MMD2: variants seen among roughly 807,000 people sequenced by gnomAD.
MMD2 encodes monocyte to macrophage differentiation associated 2, also known as monocyte to macrophage differentiation factor 2.
MMD2 carries 30 observed loss-of-function variants against 33.5 expected under a neutral mutation model. The observed-to-expected ratio is 0.90, with a 90% CI of 0.67 to 1.22. The LOEUF (loss-of-function observed/expected upper bound fraction) is 1.22. MMD2 is among the 50% of genes most tolerant of loss of function. The pLI is 0.00. For synonymous variants in MMD2, 129 were observed against 123.0 expected (o/e 1.05, Z -0.32); for missense variants, 364 against 325.4 (o/e 1.12, Z -0.91).
chr7:4,936,449 T>C (rs1785743974), intron 1 of MMD2, among the ~76,000 whole-genome samples: 2 of 152,034 alleles, frequency 1.3e-5, no homozygotes, highest in Non-Finnish European at 2.9e-5. Flanking sequence ...ATTTTTAGGA[T>C]TGGGTGGGAG....
At chr7:4,938,252 G>A (rs897766788) in intron 1 of MMD2, among the ~76,000 whole-genome samples, 9 of 151,452 alleles carry the variant, frequency 5.9e-5, no homozygotes, top group South Asian at 2.1e-4. Flanking sequence ...CTCGTGATCC[G>A]CCCACCTCAG....
intron 1 of MMD2, among the ~76,000 whole-genome samples, chr7:4,932,987 T>C (rs1785632931): frequency 6.6e-6 from 1 of 152,092 alleles, no homozygotes; most frequent in South Asian, 2.1e-4. Flanking sequence ...CAGCCTTTTT[T>C]TTTTTTTATG....
At chr7:4,919,311 G>A (rs763123102) in intron 3 of MMD2, among the ~76,000 whole-genome samples, 47 of 152,174 alleles carry the variant, frequency 3.1e-4, no homozygotes, top group African/African-American at 7.2e-4. Flanking sequence ...GCTCATTTCC[G>A]AAACTCCAGC....
downstream of MMD2, among the ~76,000 whole-genome samples, chr7:4,904,693 T>G (rs536894674): frequency 1.8e-4 from 28 of 152,294 alleles, no homozygotes; most frequent in African/African-American, 6.5e-4. Context: ...GCCCATAAAG[T>G]GCTGCCTTCC....
At position 4,907,279 on chromosome 7, in the gene MMD2, C is replaced by T. The variant is rs1562473532; in HGVS notation, c.*117G>A. The T allele has an allele frequency of 1.0e-6, 1 of 962,170 alleles. No individual in the cohort carries two copies. The highest frequency in any genetic ancestry group is 2.4e-5 in the East Asian group (1 of 41,136). The allele number at this position is 962,170 out of a possible 1,614,324, so 59.6% of individuals were successfully genotyped here. A position where few individuals can be genotyped will look rare whatever the true frequency, so the allele number is the denominator to read the frequency against. ...CTGTCACCAGAAGTCACCTTGGAGC[C>T]ATCAAGAACTCTACCCAATAAAGGG... On this transcript the variant is annotated 3_prime_UTR_variant, in exon 7 of 7. Coordinates refer to ENST00000401401, the MANE Select transcript of MMD2 (RefSeq NM_198403.4).
intron 6 of MMD2, 33 bp from the exon 7 acceptor site, chr7:4,907,632 A>G: frequency 6.2e-7 from 1 of 1,607,574 alleles, no homozygotes; most frequent in Non-Finnish European, 8.5e-7. Flanking sequence ...GGCACAGGTC[A>G]GAGGGGCAGT....
At chr7:4,939,549 C>CA (rs1012303707) in intron 1 of MMD2, among the ~76,000 whole-genome samples, 2 of 151,676 alleles carry the variant, frequency 1.3e-5, no homozygotes, top group Non-Finnish European at 2.9e-5. Flanking sequence ...TCTCAGAAAA[C>CA]AAAAAAAGTC....
downstream of MMD2, among the ~76,000 whole-genome samples, chr7:4,903,433 C>T (rs1050114213): frequency 4.6e-5 from 7 of 151,906 alleles, no homozygotes; most frequent in Admixed American, 3.9e-4. Flanking sequence ...TTCTCCCTCG[C>T]GGAGCCTGAA....
At chr7:4,931,290 T>G (rs1021530057) in intron 1 of MMD2, among the ~76,000 whole-genome samples, 3 of 150,960 alleles carry the variant, frequency 2.0e-5, no homozygotes, top group African/African-American at 7.3e-5. Context: ...GGACTACAGG[T>G]GCACACCACC....
At chr7:4,901,727 C>G (rs1218883310), downstream of MMD2, among the ~76,000 whole-genome samples, 2 of 152,222 alleles carry the variant, frequency 1.3e-5, no homozygotes, top group African/African-American at 4.8e-5. Flanking sequence ...TTGTCACCAA[C>G]TTCACATCCC....
chr7:4,945,185 T>TTTCCTCTTCTTCTTCTTCTTCTTCTTC (rs1554273329), intron 1 of MMD2, among the ~76,000 whole-genome samples: 2 of 93,480 alleles, frequency 2.1e-5, no homozygotes, highest in East Asian at 3.3e-4. Flanking sequence ...CCTCTTCCTC[T>TTTCCTCTTCTTCTTCTTCTTCTTCTTC]TTCTTCTTCT....
chr7:4,897,976 G>A, the MMD2 span, among the ~76,000 whole-genome samples: 1 of 152,118 alleles, frequency 6.6e-6, no homozygotes, highest in Non-Finnish European at 1.5e-5. Context: ...GGCCTCAAGT[G>A]ATCCACCCAC....
intron 4 of MMD2, among the ~76,000 whole-genome samples, chr7:4,913,079 T>C (rs1484065487): frequency 2.6e-5 from 4 of 152,146 alleles, no homozygotes; most frequent in East Asian, 1.9e-4. Context: ...AGTCTGTCAT[T>C]ATAAAGAATT....
At position 4,946,301 on chromosome 7, in the gene MMD2, C is replaced by T. The variant is rs1300568487; in HGVS notation, c.47+12670G>A. ...TCACAGAGTCGAAACACCATCCCCG[C>T]ATCCTAAGAATAGCCATGCTCCAAA... On this transcript the variant is annotated intron_variant, in intron 1 of 6. Coordinates refer to ENST00000401401, the MANE Select transcript of MMD2 (RefSeq NM_198403.4). The surrounding 1 kb of genome is among the most constrained non-coding windows in gnomAD (Gnocchi z 5.0). 6.6e-6 allele frequency among the ~76,000 whole-genome samples: 1 copy of T among 152,216 alleles called. No individual in the cohort carries two copies. The highest frequency in any genetic ancestry group is 1.5e-5 in the Non-Finnish European group (1 of 68,038).
rs1344146796 is a variant in MMD2 at position 4,911,211 on chromosome 7, T to G, written c.401A>C (p.His134Pro). ...NLRELGPWAS[H>P]MRWLVWIMAS... ...CATAATCCAGACCAGCCAGCGCATG[T>G]GGGAGGCCCAGGGGCCCAGCTCCCG... Residue 134 changes from histidine to proline, a missense_variant, in exon 5 of 7, where the codon CAC (histidine) becomes CCC (proline). His to Pro is a moderately conservative substitution (Grantham distance 77). Coordinates refer to ENST00000401401, the MANE Select transcript of MMD2 (RefSeq NM_198403.4). The G allele has an allele frequency of 6.2e-7, 1 of 1,601,904 alleles. No homozygotes were observed. Among genetic ancestry groups the G allele is most frequent in the Non-Finnish European group, 8.5e-7 (1 of 1,174,818 alleles).
intron 1 of MMD2, among the ~76,000 whole-genome samples, chr7:4,945,983 C>G (rs1786065568): frequency 1.3e-5 from 2 of 152,250 alleles, no homozygotes; most frequent in South Asian, 4.1e-4. Context: ...GACCAGAATT[C>G]AGCATTCATT....
At chr7:4,943,735 C>G (rs1785975795) in intron 1 of MMD2, among the ~76,000 whole-genome samples, 1 of 152,158 alleles carries the variant, frequency 6.6e-6, no homozygotes, top group South Asian at 2.1e-4. Context: ...AGACACTTCA[C>G]AAACTGCCTT....
intron 1 of MMD2, among the ~76,000 whole-genome samples, chr7:4,926,130 C>G (rs1315256554): frequency 2.0e-5 from 3 of 150,030 alleles, no homozygotes; most frequent in Non-Finnish European, 4.4e-5. Context: ...CGGGGTCTCA[C>G]TCTGTCTCTC....
At chr7:4,929,904 C>A (rs550774173) in intron 1 of MMD2, among the ~76,000 whole-genome samples, 1 of 152,178 alleles carries the variant, frequency 6.6e-6, no homozygotes, top group African/African-American at 2.4e-5. Flanking sequence ...ATTCACACAT[C>A]GAAGCCCTAA....
Sources: allele counts gnomAD v4.1 joint callset (sites outside exome capture counted in the v4.1 genomes callset), GRCh38; gene constraint gnomAD v4.1.1; non-coding constraint Gnocchi (gnomAD v3.1); transcripts MANE v1.5; gene names NCBI Gene and HGNC (gene_info 2026-07-23, HGNC 2026-07-21).